Variants in GLI2 observed in about 807,000 individuals in gnomAD.
The protein encoded by GLI2 is transcription activator GLI2.
GLI2 carries 22 observed loss-of-function variants against 78.9 expected under a neutral mutation model. The observed-to-expected ratio is 0.28, with a 90% CI of 0.20 to 0.40. The LOEUF (loss-of-function observed/expected upper bound fraction) is 0.40, where lower values mean the gene tolerates loss of function less well. Among genes scored for constraint, GLI2 ranks in the 10% least tolerant of loss-of-function variants. The probability of loss-of-function intolerance (pLI) is 1.00; values close to 1 mark genes in which losing one functional copy is unlikely to be tolerated. For missense variants in GLI2, 2,097 were observed against 2,213.2 expected (o/e 0.95, Z 1.05); for synonymous variants, 974 against 963.7 (o/e 1.01, Z -0.20).
intron 5 of GLI2, among the ~76,000 whole-genome samples, chr2:120,958,681 T>G (rs941913015): frequency 1.3e-5 from 2 of 152,182 alleles, no homozygotes; most frequent in African/African-American, 2.4e-5. Flanking sequence ...GGTCTTGCCA[T>G]GCACTGCCCC....
At chr2:120,870,213 A>G (rs557585085) in intron 2 of GLI2, among the ~76,000 whole-genome samples, 49 of 152,286 alleles carry the variant, frequency 3.2e-4, no homozygotes, top group African/African-American at 1.2e-3. Context: ...CTGAGCTGTC[A>G]GACCATGAGT....
intron 2 of GLI2, among the ~76,000 whole-genome samples, chr2:120,895,724 TAACAAAAACAA>T (rs1052565218): frequency 3.3e-5 from 5 of 151,818 alleles, no homozygotes; most frequent in African/African-American, 7.3e-5. Context: ...ACAGAAACAA[TAACAAAAACAA>T]AACAAAAACA....
chr2:120,761,501 A>G (rs984682597), intron 1 of GLI2, among the ~76,000 whole-genome samples: 3 of 152,182 alleles, frequency 2.0e-5, no homozygotes, highest in African/African-American at 7.2e-5. Context: ...GCTCTAGACA[A>G]GGTGGACAGA....
At chr2:120,986,820 C>G (rs1683003044) in intron 13 of GLI2, among the ~76,000 whole-genome samples, 1 of 152,222 alleles carries the variant, frequency 6.6e-6, no homozygotes, top group East Asian at 1.9e-4. Context: ...AAAGGCCATG[C>G]TCTTTCAACT....
In GLI2 at chr2:120,872,200, A is replaced by G. The variant is rs191310212; in HGVS notation, c.149-55161A>G. On this transcript the variant is annotated intron_variant, in intron 2 of 13. Coordinates refer to ENST00000361492, the MANE Select transcript of GLI2 (RefSeq NM_001374353.1). ...TAGCTGTGGTCATGGAGCAGAGGTG[A>G]GGTGGTAGATGTTTCCAGAGTGGCC... is the stretch of plus-strand genomic sequence containing the variant. 3.4e-3 allele frequency among the ~76,000 whole-genome samples: 517 copies of G among 152,278 alleles called. 2 individuals are homozygous for G. Among genetic ancestry groups the G allele is most frequent in the African/African-American group, 0.012 (498 of 41,560 alleles).
chr2:120,953,601 G>A (rs546054008), intron 4 of GLI2, among the ~76,000 whole-genome samples: 10 of 152,364 alleles, frequency 6.6e-5, no homozygotes, highest in South Asian at 2.1e-4. Flanking sequence ...CAGAGGGCCA[G>A]TAAAGACGTC....
chr2:120,944,626 G>A (rs973468165), intron 3 of GLI2, among the ~76,000 whole-genome samples: 5 of 152,346 alleles, frequency 3.3e-5, no homozygotes, highest in African/African-American at 1.2e-4. Context: ...GGTGGAGCCA[G>A]CACGAGCCTG....
chr2:120,880,838 T>C (rs1206179281), intron 2 of GLI2, among the ~76,000 whole-genome samples: 7 of 152,144 alleles, frequency 4.6e-5, no homozygotes, highest in South Asian at 4.1e-4. Context: ...ATCTGGGGTG[T>C]TGAATAATTG....
In GLI2 at chr2:120,978,592, C is replaced by A; in HGVS notation, c.1467+9C>A. ...AGCCCCACAAGTGCACGGTGAGTGG[C>A]CTTCTCCCCACCCCCGCCGCAGCAT... On this transcript the variant is annotated intron_variant, in intron 10 of 13. Transcript: ENST00000361492. 3.1e-6 allele frequency: 5 copies of A among 1,612,348 alleles called. No homozygotes were observed. The highest frequency in any genetic ancestry group is 4.2e-6 in the Non-Finnish European group (5 of 1,179,240).
At chr2:120,982,517 G>T (rs937790770) in intron 10 of GLI2, among the ~76,000 whole-genome samples, 199 bp from the exon 11 acceptor site, 1 of 152,134 alleles carries the variant, frequency 6.6e-6, no homozygotes, top group Non-Finnish European at 1.5e-5. Flanking sequence ...CTGGGCGACC[G>T]GTGGTTTTCA....
At chr2:120,975,813 G>A (rs1682430205) in intron 9 of GLI2, among the ~76,000 whole-genome samples, 1 of 152,188 alleles carries the variant, frequency 6.6e-6, no homozygotes, top group African/African-American at 2.4e-5. Flanking sequence ...TGGCACGGGA[G>A]ACACCTGGCT....
At chr2:120,892,459 G>T (rs1677729025) in intron 2 of GLI2, among the ~76,000 whole-genome samples, 1 of 152,196 alleles carries the variant, frequency 6.6e-6, no homozygotes, top group Admixed American at 6.5e-5. Context: ...GCTAGCCAGG[G>T]GCTGCAGAGG....
chr2:120,989,379 C>G lies in GLI2; in HGVS notation c.3414C>G (p.Asp1138Glu). The change falls in exon 14 of 14, where the codon GAC (aspartate) becomes GAG (glutamate). Residue 1138 changes from aspartate (D) to glutamate (E), a missense_variant. By Grantham distance (45) the Asp-to-Glu change is conservative. Transcript: ENST00000361492. The part of the protein sequence containing the change: ...QWNEVSSGTV[D>E]ALASQVKPPP... The stretch of plus-strand genomic sequence containing the variant: ...ATGAGGTGAGCTCCGGCACCGTAGA[C>G]GCCCTGGCCAGCCAGGTGAAGCCTC... The G allele has an allele frequency of 6.2e-7, 1 of 1,612,998 alleles. No homozygotes were observed. The highest frequency in any genetic ancestry group is 1.3e-5 in the African/African-American group (1 of 75,064).
At position 120,813,038 on chromosome 2, in the gene GLI2, G is replaced by A. The variant is rs561114567; in HGVS notation, c.148+15570G>A. Among the ~76,000 whole-genome samples, 481 of 152,320 alleles carry A rather than the reference G, an allele frequency of 3.2e-3. 5 individuals carry two copies. Among genetic ancestry groups the A allele is most frequent in the African/African-American group, 0.011 (460 of 41,574 alleles). On this transcript the variant is annotated intron_variant, in intron 2 of 13. Coordinates refer to ENST00000361492, the MANE Select transcript of GLI2 (RefSeq NM_001374353.1). ...CCCCAGCACTGCGAGGTCCCCAGAC[G>A]ATGGCTGTGAAAGGGTCCCGAAGAA...
At chr2:120,939,740 C>T (rs1454648880) in intron 3 of GLI2, among the ~76,000 whole-genome samples, 1 of 152,172 alleles carries the variant, frequency 6.6e-6, no homozygotes, top group African/African-American at 2.4e-5. Flanking sequence ...TTTATACCAT[C>T]CTCTGGGCCC....
chr2:120,794,303 G>C (rs1684283783), intron 1 of GLI2, among the ~76,000 whole-genome samples: 1 of 152,210 alleles, frequency 6.6e-6, no homozygotes, highest in Non-Finnish European at 1.5e-5. Context: ...AGGCCTGGCT[G>C]TGTGCAAGGG....
At chr2:120,771,099 G>C (rs985499980) in intron 1 of GLI2, among the ~76,000 whole-genome samples, 1 of 152,214 alleles carries the variant, frequency 6.6e-6, no homozygotes, top group African/African-American at 2.4e-5. Flanking sequence ...GGCAGCCATG[G>C]ATACCACCCT....
At chr2:120,764,946 G>A (rs1683323022) in intron 1 of GLI2, among the ~76,000 whole-genome samples, 2 of 151,858 alleles carry the variant, frequency 1.3e-5, no homozygotes, top group African/African-American at 4.8e-5. Flanking sequence ...ATGGAGAGCT[G>A]TAACATTTTG....
intron 5 of GLI2, among the ~76,000 whole-genome samples, chr2:120,959,264 G>A (rs1449696200): frequency 6.6e-6 from 1 of 152,184 alleles, no homozygotes; most frequent in Non-Finnish European, 1.5e-5. Context: ...GAACACATCT[G>A]GCTTCAGGAC....
Sources: allele counts gnomAD v4.1 joint callset (sites outside exome capture counted in the v4.1 genomes callset), GRCh38; gene constraint gnomAD v4.1.1; transcripts MANE v1.5; gene names NCBI Gene and HGNC (gene_info 2026-07-23, HGNC 2026-07-21).